The following INPP4A variants were observed in gnomAD, a reference collection of about 807,000 sequenced individuals.
The protein encoded by INPP4A is inositol polyphosphate-4-phosphatase, type I, 107kD.
A neutral mutation model predicts 119.8 loss-of-function variants in INPP4A; 33 were observed. The ratio of observed to expected loss-of-function variants is 0.28; its 90% confidence interval spans 0.21 to 0.37. The LOEUF (loss-of-function observed/expected upper bound fraction) is 0.37, where lower values mean the gene tolerates loss of function less well. Among genes scored for constraint, INPP4A ranks in the 10% least tolerant of loss-of-function variants. INPP4A has a pLI of 1.00. For synonymous variants in INPP4A, 496 were observed against 500.7 expected (o/e 0.99, Z 0.12); for missense variants, 956 against 1,289.9 (o/e 0.74, Z 3.97).
At chr2:98,505,425 T>A (rs1305136480) in intron 1 of INPP4A, among the ~76,000 whole-genome samples, 1 of 87,582 alleles carries the variant, frequency 1.1e-5, no homozygotes, top group African/African-American at 3.6e-5. Context: ...CTCGTTCACT[T>A]TCCCTGCAGT....
intron 1 of INPP4A, among the ~76,000 whole-genome samples, chr2:98,486,763 C>G (rs948942510): frequency 8.5e-5 from 13 of 152,288 alleles, no homozygotes; most frequent in Non-Finnish European, 1.5e-4. Context: ...TGGTACTCCT[C>G]TCATGGCCTC....
chr2:98,547,188 A>G (rs759755791), intron 13 of INPP4A, among the ~76,000 whole-genome samples: 17 of 152,254 alleles, frequency 1.1e-4, no homozygotes, highest in Non-Finnish European at 1.9e-4. Flanking sequence ...TGGCAGAAGC[A>G]TTGCACATGG....
At chr2:98,572,979 G>T (rs369376094) in intron 23 of INPP4A, 52 bp downstream of exon 23, 4 of 1,289,848 alleles carry the variant, frequency 3.1e-6, no homozygotes, top group Non-Finnish European at 4.4e-6. Context: ...ACAGCTGAAC[G>T]TCATGACAGA....
intron 1 of INPP4A, among the ~76,000 whole-genome samples, chr2:98,464,033 G>T (rs1674198138): frequency 6.6e-6 from 1 of 152,236 alleles, no homozygotes; most frequent in South Asian, 2.1e-4. Flanking sequence ...AGGGCCTGCA[G>T]ATGGCTGTTT....
rs542091142 is a variant in INPP4A, at chr2:98,588,113, T to C, written c.*505T>C. On this transcript the variant is annotated 3_prime_UTR_variant, in exon 25 of 25. Coordinates refer to ENST00000409851, the MANE Select transcript of INPP4A (RefSeq NM_001134225.2). ...GGGGAAAGAAGCTAGCACTATCTCA[T>C]GCAGTGAGAATAACGGGTTCTAGTG... The C allele has an allele frequency of 4.7e-6, 1 of 212,236 alleles. No homozygotes were observed. Among genetic ancestry groups the C allele is most frequent in the East Asian group, 7.1e-5 (1 of 14,000 alleles). The allele number at this position is 212,236 out of a possible 1,614,324, so 13.1% of individuals were successfully genotyped here.
At chr2:98,458,535 A>AT (rs1696567710) in intron 1 of INPP4A, among the ~76,000 whole-genome samples, 1 of 151,820 alleles carries the variant, frequency 6.6e-6, no homozygotes, top group African/African-American at 2.4e-5. Flanking sequence ...AAACATTCAG[A>AT]TTTTTTTTCC....
At chr2:98,485,534 C>T (rs1304733679) in intron 1 of INPP4A, among the ~76,000 whole-genome samples, 2 of 152,152 alleles carry the variant, frequency 1.3e-5, no homozygotes, top group Non-Finnish European at 2.9e-5. Flanking sequence ...TTGAAAGCCC[C>T]TAGGGCTGGG....
intron 10 of INPP4A, among the ~76,000 whole-genome samples, chr2:98,542,178 A>G (rs1021722349): frequency 6.6e-6 from 1 of 152,276 alleles, no homozygotes; most frequent in African/African-American, 2.4e-5. Context: ...ACACGGGCAG[A>G]CACATTCCAG....
chr2:98,505,944 T>C (rs968800792), intron 1 of INPP4A, among the ~76,000 whole-genome samples: 4 of 152,174 alleles, frequency 2.6e-5, no homozygotes, highest in Non-Finnish European at 5.9e-5. Flanking sequence ...TTTTAACTAT[T>C]TTTGACAGAA....
chr2:98,454,315 C>T (rs1314840830), intron 1 of INPP4A, among the ~76,000 whole-genome samples: 2 of 152,186 alleles, frequency 1.3e-5, no homozygotes, highest in African/African-American at 4.8e-5. Flanking sequence ...CTATGATCCC[C>T]ATTATTTAAT....
In INPP4A at chr2:98,463,778, GT is replaced by G. The variant is rs1674130775; in HGVS notation, c.-166+18694del. Among the ~76,000 whole-genome samples the G allele has an allele frequency of 4.6e-5, 7 of 152,308 alleles. No homozygotes were observed. In the South Asian group the frequency reaches 1.5e-3, roughly 32 times the overall value. ...TTTAGGGCAGACCAGAGCCATGAGC[GT>G]CCATGGTCAAGTGAAGGTCTGGTAG... On this transcript the variant is annotated intron_variant, in intron 1 of 24. Transcript: ENST00000409851.
In INPP4A at chr2:98,559,477, C is replaced by T. The variant is rs200856510; in HGVS notation, c.1837C>T (p.Pro613Ser). ...TTTCTGTGCAGATTGCAGTCCCCCT[C>T]CTGAAGAGTCCAGCCCAGGTACGTG... Reference protein sequence around the residue: ...PHLTTHCSPPPEESSPGEWSE... With the variant: ...PHLTTHCSPPSEESSPGEWSE... The change falls in exon 17 of 25, where the codon CCT (proline) becomes TCT (serine). Residue 613 changes from proline (P) to serine (S), a missense_variant. Coordinates refer to ENST00000409851, the MANE Select transcript of INPP4A (RefSeq NM_001134225.2). 94 of 1,613,922 alleles carry T rather than the reference C, an allele frequency of 5.8e-5. No homozygotes were observed. The African/African-American group carries it at 1.0e-3, about 17-fold the overall frequency.
rs367686824 is a variant in INPP4A, at chr2:98,563,505, C to T, written c.1896C>T (p.Leu632=). 3.1e-6 allele frequency: 5 copies of T among 1,613,642 alleles called. No individual in the cohort carries two copies. The highest frequency in any genetic ancestry group is 1.3e-5 in the African/African-American group (1 of 74,934). Residue 632 remains leucine (L), a synonymous_variant, in exon 18 of 25, where the codon CTC becomes CTT. Transcript: ENST00000409851. The part of the protein sequence containing the change: ...SEALYPLLTT[L]TDCVAMMSDK... Reference sequence around the variant, plus strand: ...CCCTTTACCCGCTGCTGACCACTCTCACCGACTGCGTGGCCATGATGAGTG... The same window carrying T: ...CCCTTTACCCGCTGCTGACCACTCTTACCGACTGCGTGGCCATGATGAGTG...
At chr2:98,507,545 G>A (rs1684306949) in intron 1 of INPP4A, among the ~76,000 whole-genome samples, 1 of 152,126 alleles carries the variant, frequency 6.6e-6, no homozygotes, top group Admixed American at 6.5e-5. Context: ...CTCATGGGTA[G>A]TGTTGAAGCC....
At chr2:98,505,305 A>T (rs370932397) in intron 1 of INPP4A, among the ~76,000 whole-genome samples, 9 of 152,200 alleles carry the variant, frequency 5.9e-5, no homozygotes, top group East Asian at 5.8e-4. Context: ...GGGGAAAAGT[A>T]CTGGGCGAGC....
At chr2:98,533,285 C>T in intron 4 of INPP4A, 92 bp from the exon 5 acceptor site, 1 of 762,038 alleles carries the variant, frequency 1.3e-6, no homozygotes, top group Non-Finnish European at 2.3e-6. Flanking sequence ...ATGTCATTTA[C>T]TCTTTGTGCT....
Position 98,546,205 on chromosome 2 carries a change from C to A in INPP4A, c.1054+132C>A. On this transcript the variant is annotated intron_variant, in intron 12 of 24. Transcript: ENST00000409851. The surrounding 1 kb of genome is among the most constrained non-coding windows in gnomAD (Gnocchi z 4.2). ...GGCGGCTCGGAGGAGAGATTTGTCA[C>A]AAGGACCTTCAAAAGGTTTCTGATA... 1.6e-6 allele frequency: 1 copy of A among 627,518 alleles called. No individual in the cohort carries two copies. The highest frequency in any genetic ancestry group is 1.8e-5 in the African/African-American group (1 of 54,430). The allele number at this position is 627,518 out of a possible 1,614,324, so 38.9% of individuals were successfully genotyped here.
chr2:98,462,709 G>A (rs1673841226), intron 1 of INPP4A, among the ~76,000 whole-genome samples: 1 of 151,188 alleles, frequency 6.6e-6, no homozygotes, highest in South Asian at 2.1e-4. Context: ...ATTTTTTTTT[G>A]TGGGTTTGGC....
In INPP4A at chr2:98,496,282, T is replaced by C. The variant is rs118095374; in HGVS notation, c.-165-22682T>C. On this transcript the variant is annotated intron_variant, in intron 1 of 24. Coordinates refer to ENST00000409851, the MANE Select transcript of INPP4A (RefSeq NM_001134225.2). ...GGCTTAGAATTACATTTTTGGCTTA[T>C]AGTCTCCAATAAATGCTGTTGAGAA... Among the ~76,000 whole-genome samples the C allele has an allele frequency of 1.5e-3, 221 of 152,334 alleles. 10 individuals are homozygous for C. The East Asian group carries it at 0.037, about 26-fold the overall frequency.
Sources: gnomAD v4.1 joint callset for allele counts (sites outside exome capture counted in the v4.1 genomes callset) on GRCh38, gnomAD v4.1.1 for gene constraint, Gnocchi (gnomAD v3.1) non-coding constraint, MANE v1.5 for transcripts, NCBI Gene and HGNC (gene_info 2026-07-23, HGNC 2026-07-21) for gene names.